Variants in PPL observed in about 807,000 individuals in gnomAD.
The protein encoded by PPL is 190 kDa paraneoplastic pemphigus antigen.
Under a neutral mutation model 194.4 loss-of-function variants are expected in PPL, and 198 were observed. The ratio of observed to expected loss-of-function variants is 1.02; its 90% confidence interval spans 0.91 to 1.15. PPL has a LOEUF of 1.15. Ranked by LOEUF, PPL falls within the 50% of genes most tolerant of loss-of-function variation. The pLI, the probability that PPL is intolerant of heterozygous loss-of-function variation, is 0.00. For missense variants in PPL, 2,885 were observed against 2,294.8 expected (o/e 1.26, Z -5.25); for synonymous variants, 1,220 against 972.4 (o/e 1.25, Z -4.74).
chr16:4,917,440 T>C (rs1179960673), intron 1 of PPL, among the ~76,000 whole-genome samples: 1 of 152,074 alleles, frequency 6.6e-6, no homozygotes, highest in East Asian at 1.9e-4. Context: ...ATAAGAAACG[T>C]CCAGAATGCA....
At position 4,893,205 on chromosome 16, in the gene PPL, G is replaced by A. The variant is rs781413908; in HGVS notation, c.1650+8C>T. 16 of 1,547,300 alleles carry A rather than the reference G, an allele frequency of 1.0e-5. No homozygotes were observed. The highest frequency in any genetic ancestry group is 4.7e-5 in the East Asian group (2 of 42,444). On this transcript the variant is annotated splice_region_variant and intron_variant, in intron 14 of 21. Transcript: ENST00000345988. ...CCGGCCCCACCTGTGCTCCTGACCC[G>A]CAGGTACCTTGAGGTCCTTGGCCCG...
intron 16 of PPL, chr16:4,891,570 C>T (rs74003546): frequency 1.1e-3 from 505 of 466,038 alleles, no homozygotes; most frequent in African/African-American, 8.5e-3. Context: ...TGTGCCACTA[C>T]ACTGGCTATT....
rs544067582 is a variant in PPL at position 4,895,770 on chromosome 16, C to T, written c.973-54G>A. 9 of 1,611,474 alleles carry T rather than the reference C, an allele frequency of 5.6e-6. No individual in the cohort carries two copies. The African/African-American group carries it at 6.7e-5, about 12-fold the overall frequency. Reference sequence around the variant, plus strand: ...CAGGAAACCACTAGAAGCACCTGGGCTTCTGTCGGAGGCTTCAAGCTCATC... The same window carrying T: ...CAGGAAACCACTAGAAGCACCTGGGTTTCTGTCGGAGGCTTCAAGCTCATC... On this transcript the variant is annotated intron_variant, in intron 9 of 21. Transcript: ENST00000345988.
chr16:4,889,093 C>G (rs892163140), intron 18 of PPL, 32 bp from the exon 19 acceptor site: 2 of 1,595,366 alleles, frequency 1.3e-6, no homozygotes, highest in Admixed American at 3.4e-5. Context: ...TCAAAACTAA[C>G]CAGAAAAAAA....
At chr16:4,916,904 T>A (rs1489549665) in intron 1 of PPL, among the ~76,000 whole-genome samples, 3 of 151,944 alleles carry the variant, frequency 2.0e-5, no homozygotes, top group Non-Finnish European at 4.4e-5. Flanking sequence ...CCGAGGCAGG[T>A]GGATCACCTG....
intron 6 of PPL, among the ~76,000 whole-genome samples, chr16:4,900,434 C>CTTTTTTTT (rs1217002366): frequency 0.012 from 751 of 61,596 alleles, 93 homozygotes; most frequent in African/African-American, 0.039. Context: ...TACTGCACGC[C>CTTTTTTTT]TTTTTTTTTT....
chr16:4,926,711 G>A (rs28590649), intron 1 of PPL, among the ~76,000 whole-genome samples: 11,621 of 151,684 alleles, frequency 0.077, 661 homozygotes, highest in African/African-American at 0.16. Context: ...CCATCTCTAC[G>A]ATAAATACAA....
At chr16:4,903,009 T>A (rs1370119744) in intron 3 of PPL, among the ~76,000 whole-genome samples, 1 of 152,116 alleles carries the variant, frequency 6.6e-6, no homozygotes, top group African/African-American at 2.4e-5. Context: ...TCCCTCAACC[T>A]TCCTTCCCCC....
At chr16:4,895,181 C>A in intron 11 of PPL, 80 bp downstream of exon 11, 8 of 1,459,632 alleles carry the variant, frequency 5.5e-6, no homozygotes, top group Non-Finnish European at 6.4e-6. Context: ...CTCCTGAGAA[C>A]GGCGCCTGAG....
intron 19 of PPL, 178 bp downstream of exon 19, chr16:4,888,800 G>T: frequency 1.5e-6 from 1 of 666,524 alleles, no homozygotes. Context: ...AGCATTCCAT[G>T]TCTAGTACCA....
intron 1 of PPL, among the ~76,000 whole-genome samples, chr16:4,918,019 A>T (rs2088960646): frequency 6.7e-6 from 1 of 150,364 alleles, no homozygotes; most frequent in South Asian, 2.1e-4. Flanking sequence ...GCAGCTGGGC[A>T]TGGTGGTTCA....
chr16:4,924,074 T>C (rs1343282613), intron 1 of PPL, among the ~76,000 whole-genome samples: 1 of 152,174 alleles, frequency 6.6e-6, no homozygotes, highest in Non-Finnish European at 1.5e-5. Context: ...TGGAAAACAT[T>C]CCCACAGGAG....
chr16:4,903,957 G>C lies in PPL; in HGVS notation c.246C>G (p.Leu82=), dbSNP rs779178091. 5.7e-5 allele frequency: 92 copies of C among 1,613,964 alleles called. No homozygotes were observed. The highest frequency in any genetic ancestry group is 7.5e-5 in the Non-Finnish European group (88 of 1,180,054). Residue 82 remains leucine, a synonymous_variant, in exon 3 of 22, where the codon CTC becomes CTG. Transcript: ENST00000345988. ...LQKVLDSEKL[L]YVLEADAAIA... The stretch of plus-strand genomic sequence containing the variant: ...TGGCCGCATCCGCCTCTAGCACATA[G>C]AGCAGCTTCTCAGAGTCCAACACCT...
rs935952467 is a variant in PPL, at chr16:4,903,912, G to A, written c.291C>T (p.His97=). ...CCTCGGCGATCATGTCCCCCTGTGGGTGCTTCATGTGCTTGGCAATGGCCG... is the reference window on the plus strand; with the variant it reads ...CCTCGGCGATCATGTCCCCCTGTGGATGCTTCATGTGCTTGGCAATGGCCG... ...ADAAIAKHMK[H]PQGDMIAEDI... Residue 97 remains histidine (H), a synonymous_variant, in exon 3 of 22, where the codon CAC becomes CAT. Coordinates refer to ENST00000345988, the MANE Select transcript of PPL (RefSeq NM_002705.5). 4 of 1,613,940 alleles carry A rather than the reference G, an allele frequency of 2.5e-6. No individual in the cohort carries two copies. The highest frequency in any genetic ancestry group is 2.5e-6 in the Non-Finnish European group (3 of 1,180,042).
chr16:4,912,411 A>C (rs556598867), intron 1 of PPL, among the ~76,000 whole-genome samples: 3 of 152,240 alleles, frequency 2.0e-5, no homozygotes. Flanking sequence ...ATAATATTCC[A>C]TCACGTGGCT....
intron 1 of PPL, among the ~76,000 whole-genome samples, chr16:4,928,587 C>T (rs957706030): frequency 2.0e-5 from 3 of 152,224 alleles, no homozygotes; most frequent in East Asian, 1.9e-4. Flanking sequence ...CAGGCTGATA[C>T]CTTTTAGGGT....
At chr16:4,887,704 G>A (rs1024898739) in intron 20 of PPL, among the ~76,000 whole-genome samples, 1 of 152,294 alleles carries the variant, frequency 6.6e-6, no homozygotes, top group South Asian at 2.1e-4. Flanking sequence ...CTGGGCCCAA[G>A]TGATCCTCCC....
At chr16:4,915,270 T>C (rs1432567657) in intron 1 of PPL, among the ~76,000 whole-genome samples, 1 of 152,212 alleles carries the variant, frequency 6.6e-6, no homozygotes, top group Non-Finnish European at 1.5e-5. Context: ...CTGTGAGCGG[T>C]AGCAGGAAGC....
intron 1 of PPL, 103 bp downstream of exon 1, chr16:4,936,880 GA>G (rs961512451): frequency 7.6e-6 from 9 of 1,189,260 alleles, no homozygotes; most frequent in African/African-American, 6.5e-5. Context: ...CCGGTTCCTG[GA>G]CCCCCGTACC....
Sources: allele counts gnomAD v4.1 joint callset (sites outside exome capture counted in the v4.1 genomes callset), GRCh38; gene constraint gnomAD v4.1.1; transcripts MANE v1.5; gene names NCBI Gene and HGNC (gene_info 2026-07-23, HGNC 2026-07-21).